Variants in VAC14 observed in about 807,000 individuals in gnomAD.
VAC14 encodes the protein VAC14 component of PIKFYVE complex.
VAC14 carries 47 observed loss-of-function variants against 85.3 expected under a neutral mutation model. The ratio of observed to expected loss-of-function variants is 0.55; its 90% CI spans 0.44 to 0.70. The LOEUF (loss-of-function observed/expected upper bound fraction) is 0.70. Among genes scored for constraint, VAC14 ranks in the 30% least tolerant of loss-of-function variants. VAC14 has a pLI of 0.00. For synonymous variants in VAC14, 447 were observed against 430.5 expected, an observed-to-expected ratio of 1.04 and a Z score of -0.47; for missense variants, 861 against 1,004.3, an observed-to-expected ratio of 0.86 and a Z score of 1.93.
chr16:70,711,074 C>T (rs575693691), intron 14 of VAC14, among the ~76,000 whole-genome samples: 45 of 152,370 alleles, frequency 3.0e-4, no homozygotes, highest in African/African-American at 1.0e-3. Flanking sequence ...TCAGTGTCCT[C>T]ATCCACCCAG....
rs779064218 is a variant in VAC14, at chr16:70,783,536, C to G, written c.613G>C (p.Val205Leu). ...IISWILVLES[V>L]PDINLLDYLP... ...TAATCCAGCAGGTTAATGTCTGGCA[C>G]CGACTCCAGAACCAGGATCTGACCA... is the stretch of plus-strand genomic sequence containing the variant. The change falls in exon 6 of 19, where the codon GTG becomes CTG. Residue 205 changes from valine (V) to leucine (L), a missense_variant. Val to Leu is a conservative substitution (Grantham distance 32, BLOSUM62 1). Coordinates refer to ENST00000261776, the MANE Select transcript of VAC14 (RefSeq NM_018052.5). 1.2e-6 allele frequency: 2 copies of G among 1,613,870 alleles called. No individual in the cohort carries two copies. Among genetic ancestry groups the G allele is most frequent in the Non-Finnish European group, 1.7e-6 (2 of 1,180,042 alleles).
intron 1 of VAC14, among the ~76,000 whole-genome samples, chr16:70,799,885 G>A (rs1041015954): frequency 6.6e-6 from 1 of 152,170 alleles, no homozygotes; most frequent in Non-Finnish European, 1.5e-5. Flanking sequence ...CTTGAAATAC[G>A]GGTAGTGTGA....
intron 13 of VAC14, among the ~76,000 whole-genome samples, chr16:70,732,223 G>A (rs961991219): frequency 2.6e-5 from 4 of 152,296 alleles, no homozygotes; most frequent in African/African-American, 9.6e-5. Flanking sequence ...AGCAGACACC[G>A]ACAAATGTTA....
intron 13 of VAC14, among the ~76,000 whole-genome samples, chr16:70,735,103 GA>G (rs903155549): frequency 2.0e-5 from 3 of 152,180 alleles, no homozygotes; most frequent in Non-Finnish European, 2.9e-5. Context: ...GAGGATGCAG[GA>G]AATGACGCTG....
At chr16:70,743,918 T>G (rs2030611356) in intron 13 of VAC14, among the ~76,000 whole-genome samples, 1 of 152,086 alleles carries the variant, frequency 6.6e-6, no homozygotes, top group African/African-American at 2.4e-5. Flanking sequence ...GGGCGAGTGC[T>G]GGGGGTGCTA....
intron 10 of VAC14, chr16:70,766,322 G>C (rs1178128654): frequency 5.7e-5 from 21 of 370,150 alleles, no homozygotes; most frequent in Non-Finnish European, 1.1e-4. Flanking sequence ...CTGCTGGCCA[G>C]CCTGTGGGGC....
At chr16:70,722,629 A>T (rs1394151274) in intron 14 of VAC14, among the ~76,000 whole-genome samples, 1 of 152,162 alleles carries the variant, frequency 6.6e-6, no homozygotes, top group Non-Finnish European at 1.5e-5. Context: ...CGCATTCTAC[A>T]ACGATGGACA....
In VAC14 at chr16:70,762,411, A is replaced by T. The variant is rs2032465670; in HGVS notation, c.1371+129T>A. On this transcript the variant is annotated intron_variant, in intron 12 of 18. Coordinates refer to ENST00000261776, the MANE Select transcript of VAC14 (RefSeq NM_018052.5). The surrounding 1 kb of genome is among the most constrained non-coding windows in gnomAD (Gnocchi z 4.1). ...GTGTGAGCCACTGCACCTGGCCCCA[A>T]AGTGAGTATTAAACACAGCTTTACC... 2.0e-6 allele frequency: 2 copies of T among 996,062 alleles called. No individual in the cohort carries two copies. The highest frequency in any genetic ancestry group is 4.1e-5 in the Admixed American group (2 of 48,580). 61.7% of individuals were successfully genotyped at this position (996,062 alleles called of 1,614,324 possible). A position where few individuals can be genotyped will look rare whatever the true frequency, so the allele number is the denominator to read the frequency against.
At position 70,780,829 on chromosome 16, in the gene VAC14, G is replaced by A. The variant is rs953912604; in HGVS notation, c.1057C>T (p.Pro353Ser). The A allele has an allele frequency of 2.5e-6, 4 of 1,612,406 alleles. No individual in the cohort carries two copies. The highest frequency in any genetic ancestry group is 2.7e-5 in the African/African-American group (2 of 74,910). ...RPGQRQAEPT[P>S]DDALPKQEGT... is the part of the protein sequence containing the mutation. Reference sequence around the variant, plus strand: ...TCCTGCTTTGGCAGGGCATCGTCAGGGGTGGGCTCTGCCTGCCTCTGCCCA... The same window carrying A: ...TCCTGCTTTGGCAGGGCATCGTCAGAGGTGGGCTCTGCCTGCCTCTGCCCA... The change falls in exon 9 of 19, where the codon CCT (proline) becomes TCT (serine). Residue 353 changes from proline (P) to serine (S), a missense_variant. Physicochemically the swap from Pro to Ser is moderately conservative, Grantham distance 74 (BLOSUM62 -1). Coordinates refer to ENST00000261776, the MANE Select transcript of VAC14 (RefSeq NM_018052.5).
intron 12 of VAC14, among the ~76,000 whole-genome samples, chr16:70,753,478 G>C (rs1433488162): frequency 6.6e-6 from 1 of 152,226 alleles, no homozygotes; most frequent in Admixed American, 6.5e-5. Flanking sequence ...ACGCAGGAAC[G>C]CTAAGTGGGG....
intron 12 of VAC14, among the ~76,000 whole-genome samples, chr16:70,745,526 T>TGTGC (rs1163013094): frequency 1.3e-5 from 2 of 149,314 alleles, no homozygotes; most frequent in Admixed American, 6.6e-5. Context: ...TGTGCGCGTG[T>TGTGC]GCGCGCGTGT....
chr16:70,792,976 G>A (rs188973297), intron 1 of VAC14, among the ~76,000 whole-genome samples: 7 of 152,260 alleles, frequency 4.6e-5, no homozygotes. Flanking sequence ...GGTCACCAAA[G>A]GTCTGAACCC....
intron 14 of VAC14, among the ~76,000 whole-genome samples, chr16:70,720,547 C>A (rs1184413616): frequency 6.6e-6 from 1 of 152,208 alleles, no homozygotes; most frequent in East Asian, 1.9e-4. Context: ...AGGCACCTTT[C>A]TCTCTGAAGC....
rs1241168991 is a variant in VAC14, at chr16:70,689,073, AG to A, written c.2187-984del. ...AAGATGCCAATCGGCGGGGCCGGGA[AG>A]GGGGGTGCAGGCACTGGCAGAGCAC... On this transcript the variant is annotated intron_variant, in intron 18 of 18. Coordinates refer to ENST00000261776, the MANE Select transcript of VAC14 (RefSeq NM_018052.5). The A allele has an allele frequency of 2.1e-5, 21 of 985,434 alleles. No individual in the cohort carries two copies. The East Asian group carries it at 3.4e-4, about 16-fold the overall frequency. 61.0% of individuals were successfully genotyped at this position (985,434 alleles called of 1,614,324 possible).
chr16:70,736,702 G>A (rs1048363727), intron 13 of VAC14, among the ~76,000 whole-genome samples: 1 of 152,182 alleles, frequency 6.6e-6, no homozygotes, highest in Non-Finnish European at 1.5e-5. Flanking sequence ...TCACAGCTGC[G>A]AGAAGCCGCA....
chr16:70,730,281 G>A (rs2054551595), intron 14 of VAC14, among the ~76,000 whole-genome samples: 1 of 151,972 alleles, frequency 6.6e-6, no homozygotes, highest in Non-Finnish European at 1.5e-5. Context: ...TGTCTTTCAA[G>A]CCAGAAATCC....
Position 70,687,898 on chromosome 16 carries a change from C to T in VAC14, c.*30G>A. On this transcript the variant is annotated 3_prime_UTR_variant, in exon 19 of 19. Transcript: ENST00000261776. ...CGACCCTTAGTGTTTCATGGGACCA[C>T]TCGGTGGGCCCTCCTCCGTGCCAGG... 6.8e-7 allele frequency: 1 copy of T among 1,474,460 alleles called. No homozygotes were observed. Among genetic ancestry groups the T allele is most frequent in the Non-Finnish European group, 9.1e-7 (1 of 1,103,824 alleles). 91.3% of individuals were successfully genotyped at this position (1,474,460 alleles called of 1,614,324 possible).
chr16:70,723,482 T>C (rs2054346859), intron 14 of VAC14, among the ~76,000 whole-genome samples: 1 of 152,146 alleles, frequency 6.6e-6, no homozygotes, highest in African/African-American at 2.4e-5. Context: ...AAATAAATGA[T>C]ACCACATTAT....
chr16:70,760,821 AACC>A (rs1403080419), intron 12 of VAC14, among the ~76,000 whole-genome samples: 6 of 152,276 alleles, frequency 3.9e-5, no homozygotes, highest in African/African-American at 1.4e-4. Flanking sequence ...CTAGGGAAGG[AACC>A]AATCAGCAAA....
Sources: allele counts gnomAD v4.1 joint callset (sites outside exome capture counted in the v4.1 genomes callset), GRCh38; gene constraint gnomAD v4.1.1; non-coding constraint Gnocchi (gnomAD v3.1); transcripts MANE v1.5; gene names NCBI Gene and HGNC (gene_info 2026-07-23, HGNC 2026-07-21).